Variants in ADAD1 observed in about 807,000 individuals in gnomAD.
The protein encoded by ADAD1 is adenosine deaminase domain-containing protein 1.
Under a neutral mutation model 66.8 loss-of-function variants are expected in ADAD1, and 46 were observed. The ratio of observed to expected loss-of-function variants is 0.69; its 90% CI spans 0.54 to 0.88. ADAD1 has a LOEUF of 0.88. Ranked by LOEUF, ADAD1 falls within the 40% of genes least tolerant of loss-of-function variation. The probability of loss-of-function intolerance (pLI) is 0.00; values close to 1 mark genes in which losing one functional copy is unlikely to be tolerated. For missense variants in ADAD1, 617 were observed against 681.8 expected, an observed-to-expected ratio of 0.91 and a Z score of 1.06; for synonymous variants, 248 against 229.4, an observed-to-expected ratio of 1.08 and a Z score of -0.73.
At chr4:122,402,298 G>A (rs1796019181) in intron 7 of ADAD1, among the ~76,000 whole-genome samples, 1 of 152,016 alleles carries the variant, frequency 6.6e-6, no homozygotes. Flanking sequence ...GATAATTATT[G>A]TTTAAGGAGT....
chr4:122,395,945 C>G (rs1220946485), intron 6 of ADAD1, among the ~76,000 whole-genome samples: 1 of 152,192 alleles, frequency 6.6e-6, no homozygotes, highest in Non-Finnish European at 1.5e-5. Flanking sequence ...TCCTGTACAA[C>G]AAAGAATTGT....
At chr4:122,412,857 T>C in intron 10 of ADAD1, 48 bp downstream of exon 10, 1 of 1,472,766 alleles carries the variant, frequency 6.8e-7, no homozygotes, top group Non-Finnish European at 9.4e-7. Flanking sequence ...ACTAAGCAAA[T>C]TCTCTGTATT....
intron 12 of ADAD1, among the ~76,000 whole-genome samples, chr4:122,422,133 T>C (rs1448962878): frequency 1.4e-5 from 2 of 147,824 alleles, no homozygotes; most frequent in Non-Finnish European, 3.0e-5. Context: ...TTTTTTTTTT[T>C]TTTTTTTTTG....
intron 11 of ADAD1, among the ~76,000 whole-genome samples, chr4:122,419,165 T>G (rs1796892095): frequency 6.6e-6 from 1 of 152,188 alleles, no homozygotes; most frequent in African/African-American, 2.4e-5. Flanking sequence ...AAAGAAAATG[T>G]GGTACATATA....
At chr4:122,397,733 A>G (rs1268040325) in intron 7 of ADAD1, among the ~76,000 whole-genome samples, 2 of 152,180 alleles carry the variant, frequency 1.3e-5, no homozygotes, top group African/African-American at 4.8e-5. Context: ...TAAATGATAG[A>G]TGAAGTGACA....
intron 7 of ADAD1, among the ~76,000 whole-genome samples, chr4:122,400,567 T>C (rs1795926939): frequency 6.6e-6 from 1 of 152,210 alleles, no homozygotes; most frequent in South Asian, 2.1e-4. Context: ...TGGAATAGTT[T>C]CAGTAAGATT....
chr4:122,402,787 C>A (rs1439948036), intron 7 of ADAD1, among the ~76,000 whole-genome samples: 2 of 152,086 alleles, frequency 1.3e-5, no homozygotes, highest in African/African-American at 4.8e-5. Flanking sequence ...TAGTCTATTG[C>A]TGAAACTTTC....
At chr4:122,417,891 G>T (rs1298454033) in intron 11 of ADAD1, among the ~76,000 whole-genome samples, 1 of 152,098 alleles carries the variant, frequency 6.6e-6, no homozygotes, top group African/African-American at 2.4e-5. Flanking sequence ...CTGACTCCTG[G>T]TTCAAAGGGG....
At chr4:122,417,114 C>A (rs1315491949) in intron 11 of ADAD1, among the ~76,000 whole-genome samples, 1 of 152,056 alleles carries the variant, frequency 6.6e-6, no homozygotes, top group Non-Finnish European at 1.5e-5. Flanking sequence ...GCGGGCAGAT[C>A]AGCTGAGGTC....
rs1796666946 is a variant in ADAD1, at chr4:122,415,092, A to G, written c.1250-287A>G. Among the ~76,000 whole-genome samples the G allele has an allele frequency of 4.6e-5, 7 of 152,138 alleles. 1 individual carries two copies. In the South Asian group the frequency reaches 1.4e-3, roughly 31 times the overall value. On this transcript the variant is annotated intron_variant, in intron 10 of 12. Coordinates refer to ENST00000296513, the MANE Select transcript of ADAD1 (RefSeq NM_139243.4). ...CAGATTTCTTTCTGAGTCAGTTACT[A>G]AAGTACCAGTTTCTGAGCAGCTGTG...
At position 122,387,741 on chromosome 4, in the gene ADAD1, GT is replaced by G. The variant is rs776546642; in HGVS notation, c.529+3787del. Among the ~76,000 whole-genome samples the G allele has an allele frequency of 1.6e-3, 230 of 142,338 alleles. 1 individual carries two copies. The highest frequency in any genetic ancestry group is 3.7e-3 in the African/African-American group (143 of 39,014). The allele number at this position is 142,338 out of a possible 152,430, so 93.4% of individuals were successfully genotyped here. ...CCATCAATACCTTATATATTGAGAG[GT>G]TTTTTTTTTTTGTTTTTTGTTTTTT... On this transcript the variant is annotated intron_variant, in intron 5 of 12. Coordinates refer to ENST00000296513, the MANE Select transcript of ADAD1 (RefSeq NM_139243.4).
intron 11 of ADAD1, 48 bp from the exon 12 acceptor site, chr4:122,421,213 T>A (rs1166726799): frequency 7.1e-7 from 1 of 1,416,714 alleles, no homozygotes; most frequent in African/African-American, 1.4e-5. Context: ...ATTGCCAACA[T>A]AAATTACTGA....
At chr4:122,392,562 G>C (rs1290441879) in intron 5 of ADAD1, among the ~76,000 whole-genome samples, 1 of 152,184 alleles carries the variant, frequency 6.6e-6, no homozygotes, top group Non-Finnish European at 1.5e-5. Context: ...CTAAAGGGTG[G>C]AGGGAGGTGG....
intron 4 of ADAD1, 100 bp downstream of exon 4, chr4:122,381,280 CTGAT>C (rs1794888319): frequency 3.4e-6 from 4 of 1,190,982 alleles, no homozygotes; most frequent in South Asian, 1.8e-5. Flanking sequence ...AGTTAGGTAA[CTGAT>C]TGTATGTTTT....
chr4:122,418,638 T>C (rs754457993), intron 11 of ADAD1, among the ~76,000 whole-genome samples: 1 of 152,164 alleles, frequency 6.6e-6, no homozygotes, highest in Non-Finnish European at 1.5e-5. Context: ...ATGAGAAAGT[T>C]ACCAAGAAGG....
At chr4:122,428,793 G>A (rs1012594073) in intron 12 of ADAD1, among the ~76,000 whole-genome samples, 3 of 152,064 alleles carry the variant, frequency 2.0e-5, no homozygotes, top group African/African-American at 7.2e-5. Flanking sequence ...ACTTTTTAGA[G>A]GTGAGGGATT....
intron 7 of ADAD1, among the ~76,000 whole-genome samples, chr4:122,399,628 G>A (rs1312713323): frequency 6.6e-6 from 1 of 151,964 alleles, no homozygotes. Context: ...ATGGGAGATG[G>A]GAGGTGTTTC....
chr4:122,388,974 A>T (rs543841646), intron 5 of ADAD1, among the ~76,000 whole-genome samples: 1 of 152,242 alleles, frequency 6.6e-6, no homozygotes, highest in Non-Finnish European at 1.5e-5. Flanking sequence ...TCAATATCAG[A>T]TCTTTCTAGC....
At chr4:122,403,015 T>C in intron 7 of ADAD1, among the ~76,000 whole-genome samples, 1 of 152,232 alleles carries the variant, frequency 6.6e-6, no homozygotes, top group East Asian at 1.9e-4. Flanking sequence ...TTGGTTTGGA[T>C]GCATTGCTTG....
Sources: gnomAD v4.1 joint callset for allele counts (sites outside exome capture counted in the v4.1 genomes callset) on GRCh38, gnomAD v4.1.1 for gene constraint, MANE v1.5 for transcripts, NCBI Gene and HGNC (gene_info 2026-07-23, HGNC 2026-07-21) for gene names.